Variants in PLPPR4 observed in about 807,000 individuals in gnomAD.
PLPPR4 encodes the protein phospholipid phosphatase related 4.
A neutral mutation model predicts 56.6 loss-of-function variants in PLPPR4; 24 were observed. That is an observed-to-expected ratio of 0.42 (90% confidence interval 0.31 to 0.60). The LOEUF is 0.60. PLPPR4 is among the 20% of genes least tolerant of loss of function. PLPPR4 has a pLI of 0.13. For missense variants in PLPPR4, 654 were observed against 885.8 expected, an observed-to-expected ratio of 0.74 and a Z score of 3.32; for synonymous variants, 326 against 328.1, an observed-to-expected ratio of 0.99 and a Z score of 0.07.
chr1:99,305,921 A>G lies in PLPPR4; in HGVS notation c.1059A>G (p.Pro353=), dbSNP rs1660013526. ...RANADVEIIT[P]RSPMGKENMV... is the part of the protein sequence containing the mutation. ...ATGCTGATGTGGAAATCATTACTCC[A>G]CGGAGCCCCATGGGGAAGGAGAACA... is the stretch of plus-strand genomic sequence containing the variant. The change falls in exon 7 of 7, where the codon CCA becomes CCG. Residue 353 remains proline, a synonymous_variant. Transcript: ENST00000370185. 1.9e-6 allele frequency: 3 copies of G among 1,614,124 alleles called. No homozygotes were observed. The highest frequency in any genetic ancestry group is 2.5e-6 in the Non-Finnish European group (3 of 1,180,010).
At chr1:99,274,780 G>C (rs1011346075) in intron 1 of PLPPR4, among the ~76,000 whole-genome samples, 12 of 152,038 alleles carry the variant, frequency 7.9e-5, no homozygotes, top group African/African-American at 2.9e-4. Flanking sequence ...AAGGTTGTTG[G>C]TAGGCCCATA....
At chr1:99,301,060 T>C (rs550216909) in intron 5 of PLPPR4, 94 bp downstream of exon 5, 72 of 1,091,540 alleles carry the variant, frequency 6.6e-5, no homozygotes, top group Admixed American at 6.0e-4. Context: ...GATATAACCA[T>C]GTAATAACAG....
intron 4 of PLPPR4, 34 bp from the exon 5 acceptor site, chr1:99,300,875 T>G (rs747618462): frequency 6.4e-7 from 1 of 1,554,376 alleles, no homozygotes; most frequent in South Asian, 1.1e-5. Context: ...GTATCTGAAC[T>G]ACAAGGCATA....
At position 99,283,690 on chromosome 1, in the gene PLPPR4, C is replaced by T. The variant is rs551951624; in HGVS notation, c.79-4275C>T. On this transcript the variant is annotated intron_variant, in intron 1 of 6. Coordinates refer to ENST00000370185, the MANE Select transcript of PLPPR4 (RefSeq NM_014839.5). ...GTTTGGCTGGGCGCGGTGGCTCACG[C>T]CTGTAATCCCAGCACTTCGAGAGGC... Among the ~76,000 whole-genome samples the T allele has an allele frequency of 2.8e-3, 431 of 152,328 alleles. 1 individual carries two copies. Among genetic ancestry groups the T allele is most frequent in the African/African-American group, 9.6e-3 (401 of 41,574 alleles).
rs765340636 is a variant in PLPPR4 at position 99,299,017 on chromosome 1, C to G, written c.395-18C>G. 3 of 1,590,212 alleles carry G rather than the reference C, an allele frequency of 1.9e-6. No homozygotes were observed. The highest frequency in any genetic ancestry group is 2.6e-6 in the Non-Finnish European group (3 of 1,158,610). ...ACAACCACCAACTTGGTAACAATTT[C>G]TTTCATTTTGCCTATAGGTGTTCAT... is the stretch of plus-strand genomic sequence containing the variant. On this transcript the variant is annotated intron_variant, in intron 3 of 6. Coordinates refer to ENST00000370185, the MANE Select transcript of PLPPR4 (RefSeq NM_014839.5).
chr1:99,303,113 G>A lies in PLPPR4; in HGVS notation c.822+1216G>A, dbSNP rs553327849. Among the ~76,000 whole-genome samples, 5 of 152,178 alleles carry A rather than the reference G, an allele frequency of 3.3e-5. No homozygotes were observed. The South Asian group carries it at 1.0e-3, about 32-fold the overall frequency. ...CACAAAAGTGATGTGTATGTGTGTAGCTGTTGTTGTTGTTGTTGTTTTTAA... is the reference window on the plus strand; with the variant it reads ...CACAAAAGTGATGTGTATGTGTGTAACTGTTGTTGTTGTTGTTGTTTTTAA... On this transcript the variant is annotated intron_variant, in intron 6 of 6. Coordinates refer to ENST00000370185, the MANE Select transcript of PLPPR4 (RefSeq NM_014839.5).
intron 1 of PLPPR4, among the ~76,000 whole-genome samples, chr1:99,270,028 TGTG>T: frequency 6.6e-6 from 1 of 151,400 alleles, no homozygotes; most frequent in Non-Finnish European, 1.5e-5. Context: ...TGTGTGTGTG[TGTG>T]TGTGTGTGTG....
intron 2 of PLPPR4, among the ~76,000 whole-genome samples, chr1:99,294,880 A>AT (rs1659705998): frequency 6.6e-6 from 1 of 152,144 alleles, no homozygotes. Context: ...TATTCACAGA[A>AT]TTTTTATTGA....
rs774073429 is a variant in PLPPR4, at chr1:99,306,275, G to T, written c.1413G>T (p.Gly471=). Reference sequence around the variant, plus strand: ...GATGTAACAACAGCATGCCTGGAGGGCCAAGAGTGTCCATTCAGTCCCGTC... The same window carrying T: ...GATGTAACAACAGCATGCCTGGAGGTCCAAGAGTGTCCATTCAGTCCCGTC... ...VPGCNNSMPG[G]PRVSIQSRPG... is the part of the protein sequence containing the mutation. Residue 471 remains glycine, a synonymous_variant, in exon 7 of 7, where the codon GGG becomes GGT. Coordinates refer to ENST00000370185, the MANE Select transcript of PLPPR4 (RefSeq NM_014839.5). The surrounding 1 kb of genome is among the most constrained non-coding windows in gnomAD (Gnocchi z 4.0). The T allele has an allele frequency of 6.9e-5, 111 of 1,614,036 alleles. No individual in the cohort carries two copies. The highest frequency in any genetic ancestry group is 2.0e-4 in the Admixed American group (12 of 59,992).
chr1:99,294,075 C>T (rs372794331), intron 2 of PLPPR4, among the ~76,000 whole-genome samples: 1 of 150,124 alleles, frequency 6.7e-6, no homozygotes, highest in Non-Finnish European at 1.5e-5. Flanking sequence ...TGACACCATA[C>T]CTCAGTACAA....
chr1:99,289,081 C>T (rs1659549567), intron 2 of PLPPR4, among the ~76,000 whole-genome samples: 1 of 152,090 alleles, frequency 6.6e-6, no homozygotes, highest in Non-Finnish European at 1.5e-5. Context: ...TTTTCACCAC[C>T]TCTTTTGCCC....
intron 1 of PLPPR4, among the ~76,000 whole-genome samples, chr1:99,285,655 A>C (rs1246477351): frequency 6.6e-6 from 1 of 151,332 alleles, no homozygotes; most frequent in Non-Finnish European, 1.5e-5. Flanking sequence ...TCCTAACTAC[A>C]AAAAAAAAGA....
At chr1:99,305,155 G>T (rs1195675942) in intron 6 of PLPPR4, among the ~76,000 whole-genome samples, 1 of 152,038 alleles carries the variant, frequency 6.6e-6, no homozygotes, top group Non-Finnish European at 1.5e-5. Context: ...AACACACAAG[G>T]CTGTAGTCAG....
chr1:99,286,617 G>T (rs1041244745), intron 1 of PLPPR4, among the ~76,000 whole-genome samples: 1 of 152,164 alleles, frequency 6.6e-6, no homozygotes, highest in African/African-American at 2.4e-5. Context: ...ATCATTAAAT[G>T]ATGTAAAGAA....
In PLPPR4 at chr1:99,306,349, T is replaced by A. The variant is rs541863781; in HGVS notation, c.1487T>A (p.Ile496Lys). Residue 496 changes from isoleucine to lysine, a missense_variant, in exon 7 of 7, where the codon ATA becomes AAA. Transcript: ENST00000370185. The surrounding 1 kb of genome is among the most constrained non-coding windows in gnomAD (Gnocchi z 4.0). ...ATCCCTGAGGAGACTCAGGAAAACATAAGCACCTCCCCCAAAAGCAGCTCT... is the reference window on the plus strand; with the variant it reads ...ATCCCTGAGGAGACTCAGGAAAACAAAAGCACCTCCCCCAAAAGCAGCTCT... Reference protein sequence around the residue: ...VHIPEETQENISTSPKSSSAR... With the variant: ...VHIPEETQENKSTSPKSSSAR... 1 of 1,614,098 alleles carries A rather than the reference T, an allele frequency of 6.2e-7. No individual in the cohort carries two copies. The highest frequency in any genetic ancestry group is 1.3e-5 in the African/African-American group (1 of 75,012).
At chr1:99,295,104 A>G (rs1659711135) in intron 2 of PLPPR4, among the ~76,000 whole-genome samples, 1 of 152,222 alleles carries the variant, frequency 6.6e-6, no homozygotes, top group Admixed American at 6.5e-5. Flanking sequence ...TTCAAAAAGT[A>G]TAAATGGTTA....
intron 1 of PLPPR4, among the ~76,000 whole-genome samples, chr1:99,272,782 A>G (rs1659088969): frequency 1.3e-5 from 2 of 152,136 alleles, no homozygotes; most frequent in Admixed American, 1.3e-4. Flanking sequence ...GTTATGGAAT[A>G]GCTTTGAATT....
At chr1:99,266,975 C>G (rs753206937) in intron 1 of PLPPR4, among the ~76,000 whole-genome samples, 1 of 152,208 alleles carries the variant, frequency 6.6e-6, no homozygotes, top group African/African-American at 2.4e-5. Context: ...AGAGTAATGA[C>G]ACTTTGCTTT....
chr1:99,276,750 G>A (rs1659194523), intron 1 of PLPPR4, among the ~76,000 whole-genome samples: 1 of 152,048 alleles, frequency 6.6e-6, no homozygotes, highest in Admixed American at 6.6e-5. Context: ...GATGCTAATG[G>A]GAATTTAACC....
Sources: allele counts gnomAD v4.1 joint callset (sites outside exome capture counted in the v4.1 genomes callset), GRCh38; gene constraint gnomAD v4.1.1; non-coding constraint Gnocchi (gnomAD v3.1); transcripts MANE v1.5; gene names NCBI Gene and HGNC (gene_info 2026-07-23, HGNC 2026-07-21).